BPGM: variants seen among roughly 807,000 people sequenced by gnomAD.
The protein encoded by BPGM is 2,3-bisphosphoglycerate mutase, erythrocyte.
Under a neutral mutation model 21.6 loss-of-function variants are expected in BPGM, and 15 were observed. That is an observed-to-expected ratio of 0.70 (90% CI 0.47 to 1.07). The LOEUF (loss-of-function observed/expected upper bound fraction) is 1.07, where lower values mean the gene tolerates loss of function less well. Among genes scored for constraint, BPGM ranks in the 50% least tolerant of loss-of-function variants. The pLI, the probability that BPGM is intolerant of heterozygous loss-of-function variation, is 0.00. For missense variants in BPGM, 273 were observed against 319.0 expected (o/e 0.86, Z 1.10); for synonymous variants, 113 against 116.2 (o/e 0.97, Z 0.18).
chr7:134,678,495 A>G (rs1298098427), intron 2 of BPGM, among the ~76,000 whole-genome samples: 2 of 152,224 alleles, frequency 1.3e-5, no homozygotes, highest in East Asian at 1.9e-4. Context: ...AATACAGCCA[A>G]TGCTCCTGGT....
At chr7:134,658,139 TGCTCAGTATCACAGG>T (rs1253794123) in intron 1 of BPGM, among the ~76,000 whole-genome samples, 1 of 152,234 alleles carries the variant, frequency 6.6e-6, no homozygotes, top group Non-Finnish European at 1.5e-5. Flanking sequence ...AAACCTCAGT[TGCTCAGTATCACAGG>T]GCAATGGGCT....
intron 1 of BPGM, among the ~76,000 whole-genome samples, chr7:134,652,212 C>T (rs948108632): frequency 2.0e-5 from 3 of 152,108 alleles, no homozygotes; most frequent in African/African-American, 4.8e-5. Flanking sequence ...TATTCTATGA[C>T]GGGATGCTTA....
At chr7:134,674,400 C>G (rs1423507685) in intron 2 of BPGM, among the ~76,000 whole-genome samples, 1 of 152,190 alleles carries the variant, frequency 6.6e-6, no homozygotes, top group East Asian at 1.9e-4. Flanking sequence ...TATCACCCCC[C>G]CAGTTCCTCC....
At position 134,661,523 on chromosome 7, in the gene BPGM, CTTA is replaced by C; in HGVS notation, c.21_23del (p.Ile7del). The C allele has an allele frequency of 1.9e-6, 3 of 1,614,092 alleles. No homozygotes were observed. The highest frequency in any genetic ancestry group is 2.2e-5 in the South Asian group (2 of 91,074). On this transcript the variant is annotated inframe_deletion, in exon 2 of 3. Coordinates refer to ENST00000344924, the MANE Select transcript of BPGM (RefSeq NM_001724.5). This position sits in a 1 kb window ranked among gnomAD's most constrained non-coding sequence, Gnocchi z 4.6. ...AGCCATCAGTATGTCCAAGTACAAACTTATTATGTTAAGACATGGAGAGGGTGC... is the reference window on the plus strand; with the variant it reads ...AGCCATCAGTATGTCCAAGTACAAACTTATGTTAAGACATGGAGAGGGTGC...
intron 2 of BPGM, among the ~76,000 whole-genome samples, chr7:134,675,321 A>G (rs1307863970): frequency 6.6e-6 from 1 of 152,130 alleles, no homozygotes; most frequent in African/African-American, 2.4e-5. Context: ...ACCATTAATT[A>G]ACTCAAGGTG....
intron 1 of BPGM, among the ~76,000 whole-genome samples, chr7:134,654,676 C>G (rs1585853093): frequency 6.6e-6 from 1 of 152,102 alleles, no homozygotes; most frequent in African/African-American, 2.4e-5. Flanking sequence ...CACCCAAGAC[C>G]AAGATGTAAC....
chr7:134,678,650 T>A (rs1796016390), intron 2 of BPGM, among the ~76,000 whole-genome samples: 1 of 152,246 alleles, frequency 6.6e-6, no homozygotes, highest in African/African-American at 2.4e-5. Flanking sequence ...TGTCCTGATG[T>A]AGCACTTGCT....
chr7:134,664,011 G>A (rs957717508), intron 2 of BPGM, among the ~76,000 whole-genome samples: 7 of 152,144 alleles, frequency 4.6e-5, no homozygotes, highest in African/African-American at 1.7e-4. Flanking sequence ...TTTAGACATA[G>A]CAAAACTTAC....
At chr7:134,674,228 T>A (rs1290054830) in intron 2 of BPGM, among the ~76,000 whole-genome samples, 3 of 152,224 alleles carry the variant, frequency 2.0e-5, no homozygotes, top group African/African-American at 7.2e-5. Flanking sequence ...TACTATTTTT[T>A]AACATCTTTA....
At chr7:134,668,659 T>C (rs1469283448) in intron 2 of BPGM, among the ~76,000 whole-genome samples, 1 of 152,242 alleles carries the variant, frequency 6.6e-6, no homozygotes, top group African/African-American at 2.4e-5. Context: ...TTTACTTTGC[T>C]GTTTAGTATA....
At chr7:134,648,138 T>TTTTTG (rs1795494053) in intron 1 of BPGM, among the ~76,000 whole-genome samples, 1 of 148,560 alleles carries the variant, frequency 6.7e-6, no homozygotes, top group South Asian at 2.2e-4. Flanking sequence ...TTTGGTTTTT[T>TTTTTG]TTTTGTTTTG....
chr7:134,661,782 A>G lies in BPGM; in HGVS notation c.275A>G (p.Tyr92Cys). Residue 92 changes from tyrosine (Y) to cysteine (C), a missense_variant, in exon 2 of 3, where the codon TAT becomes TGT. Physicochemically the swap from Tyr to Cys is radical, Grantham distance 194. Transcript: ENST00000344924. The surrounding 1 kb of genome is among the most constrained non-coding windows in gnomAD (Gnocchi z 4.6). ...TCCTGGCGTCTAAATGAGCGTCACTATGGGGCCTTGATCGGTCTCAACAGG... is the reference window on the plus strand; with the variant it reads ...TCCTGGCGTCTAAATGAGCGTCACTGTGGGGCCTTGATCGGTCTCAACAGG... ...ESSWRLNERH[Y>C]GALIGLNREQ... The G allele has an allele frequency of 5.0e-6, 8 of 1,614,120 alleles. No individual in the cohort carries two copies. Among genetic ancestry groups the G allele is most frequent in the Non-Finnish European group, 6.8e-6 (8 of 1,180,022 alleles).
Position 134,661,908 on chromosome 7 carries a change from A to C in BPGM, c.401A>C (p.Gln134Pro), listed in dbSNP as rs752985789. ...PPIEESHPYY[Q>P]EIYNDRRYKV... ...ATTGAGGAGTCTCATCCTTACTACC[A>C]AGAAATCTACAACGACCGGAGGTAT... The change falls in exon 2 of 3, where the codon CAA (glutamine) becomes CCA (proline). Residue 134 changes from glutamine to proline, a missense_variant. Transcript: ENST00000344924. This position sits in a 1 kb window ranked among gnomAD's most constrained non-coding sequence, Gnocchi z 4.6. 6.2e-7 allele frequency: 1 copy of C among 1,612,116 alleles called. No individual in the cohort carries two copies. Among genetic ancestry groups the C allele is most frequent in the Non-Finnish European group, 8.5e-7 (1 of 1,178,562 alleles).
chr7:134,650,805 G>T (rs1562966199), intron 1 of BPGM, among the ~76,000 whole-genome samples: 1 of 152,270 alleles, frequency 6.6e-6, no homozygotes, highest in South Asian at 2.1e-4. Flanking sequence ...GTCACCTGTG[G>T]TCCCCGCTAC....
Position 134,667,472 on chromosome 7 carries a change from C to T in BPGM, c.601+5364C>T, listed in dbSNP as rs188598750. Among the ~76,000 whole-genome samples the T allele has an allele frequency of 1.7e-3, 263 of 151,960 alleles. 2 individuals are homozygous for T. The highest frequency in any genetic ancestry group is 5.8e-3 in the African/African-American group (238 of 41,284). On this transcript the variant is annotated intron_variant, in intron 2 of 2. Transcript: ENST00000344924. The stretch of plus-strand genomic sequence containing the variant: ...CCTGTAGTCTCAACTACTAGGGAAG[C>T]GGAGGCAGGAGGATTGCTTGTGCCT...
intron 2 of BPGM, among the ~76,000 whole-genome samples, chr7:134,670,667 CTTA>C (rs2131452536): frequency 6.6e-6 from 1 of 152,032 alleles, no homozygotes; most frequent in South Asian, 2.1e-4. Flanking sequence ...AGTTTCAGCT[CTTA>C]TTGGCCATAA....
intron 1 of BPGM, among the ~76,000 whole-genome samples, chr7:134,647,464 A>G (rs1015598530): frequency 4.6e-5 from 7 of 152,210 alleles, no homozygotes; most frequent in African/African-American, 1.7e-4. Flanking sequence ...AAGTTCTTAG[A>G]ACCACTAGAA....
intron 1 of BPGM, chr7:134,658,387 G>C (rs1466587349): frequency 6.6e-6 from 1 of 152,160 alleles, no homozygotes; most frequent in Non-Finnish European, 1.5e-5. Flanking sequence ...AGTGAGATGA[G>C]GTTATCGGAA....
intron 1 of BPGM, among the ~76,000 whole-genome samples, chr7:134,653,216 A>G (rs781123678): frequency 5.3e-5 from 8 of 152,254 alleles, no homozygotes; most frequent in Non-Finnish European, 8.8e-5. Context: ...AGAATTATAC[A>G]ATTGTACCTA....
Sources: gnomAD v4.1 joint callset for allele counts (sites outside exome capture counted in the v4.1 genomes callset) on GRCh38, gnomAD v4.1.1 for gene constraint, Gnocchi (gnomAD v3.1) non-coding constraint, MANE v1.5 for transcripts, NCBI Gene and HGNC (gene_info 2026-07-23, HGNC 2026-07-21) for gene names.